MED13: variants seen among roughly 807,000 people sequenced by gnomAD.
MED13 encodes the protein mediator complex subunit 13, also known as mediator of RNA polymerase II transcription subunit 13.
A neutral mutation model predicts 225.2 loss-of-function variants in MED13; 23 were observed. That is an observed-to-expected ratio of 0.10 (90% confidence interval 0.07 to 0.14). The LOEUF (loss-of-function observed/expected upper bound fraction) is 0.14. MED13 is among the 10% of genes least tolerant of loss of function. The pLI is 1.00. For missense variants in MED13, 2,197 were observed against 2,594.5 expected (o/e 0.85, Z 3.33); for synonymous variants, 942 against 889.2 (o/e 1.06, Z -1.06).
At chr17:62,015,836 C>G (rs576706735) in intron 8 of MED13, among the ~76,000 whole-genome samples, 1 of 118,652 alleles carries the variant, frequency 8.4e-6, no homozygotes, top group African/African-American at 3.2e-5. Flanking sequence ...TATATATATA[C>G]ACACACACTA....
chr17:61,966,381 A>G (rs2080058194), intron 19 of MED13, 81 bp downstream of exon 19: 2 of 1,148,332 alleles, frequency 1.7e-6, no homozygotes, highest in Non-Finnish European at 2.5e-6. Flanking sequence ...GTTCCAATAA[A>G]ATTTTATCTA....
At chr17:62,015,915 C>CACAT (rs1230248036) in intron 8 of MED13, among the ~76,000 whole-genome samples, 98 of 8,606 alleles carry the variant, frequency 0.011, 4 homozygotes, top group African/African-American at 0.025. Context: ...ACACTATACA[C>CACAT]ATATATATAT....
chr17:62,043,912 T>C (rs945254155), intron 3 of MED13, among the ~76,000 whole-genome samples: 1 of 152,182 alleles, frequency 6.6e-6, no homozygotes, highest in Non-Finnish European at 1.5e-5. Context: ...TTAAATTACC[T>C]ATGTGGCTCA....
chr17:61,950,258 C>T (rs1236010766), intron 28 of MED13, among the ~76,000 whole-genome samples: 1 of 151,936 alleles, frequency 6.6e-6, no homozygotes. Flanking sequence ...TTGAAAAAAT[C>T]CAAAAATGGA....
At chr17:61,990,747 G>A (rs1473373720) in intron 11 of MED13, among the ~76,000 whole-genome samples, 1 of 151,602 alleles carries the variant, frequency 6.6e-6, no homozygotes, top group East Asian at 1.9e-4. Flanking sequence ...AATGGGTTTT[G>A]TAAATGAATT....
rs397857634 is a variant in MED13, at chr17:62,037,955, C to CAAAAAAAAAAA, written c.471-2358_471-2348dup. On this transcript the variant is annotated intron_variant, in intron 3 of 29. Coordinates refer to ENST00000397786, the MANE Select transcript of MED13 (RefSeq NM_005121.3). The stretch of plus-strand genomic sequence containing the variant: ...TGGGCAACAGAGTGAGACTTCATCT[C>CAAAAAAAAAAA]AAAAAAAAAAAAAAAAAAAAAAAAA... 3.1e-4 allele frequency among the ~76,000 whole-genome samples: 20 copies of CAAAAAAAAAAA among 64,760 alleles called. 3 individuals carry two copies. The highest frequency in any genetic ancestry group is 9.7e-4 in the East Asian group (2 of 2,064). 42.5% of individuals were successfully genotyped at this position (64,760 alleles called of 152,430 possible). A position where few individuals can be genotyped will look rare whatever the true frequency, so the allele number is the denominator to read the frequency against.
intron 9 of MED13, chr17:62,003,847 A>C (rs1202876863): frequency 6.6e-6 from 1 of 152,154 alleles, no homozygotes; most frequent in African/African-American, 2.4e-5. Flanking sequence ...ACTTTTCTAC[A>C]CTATGCTTCC....
chr17:62,057,722 T>C (rs951304926), intron 2 of MED13, among the ~76,000 whole-genome samples: 1 of 152,214 alleles, frequency 6.6e-6, no homozygotes, highest in African/African-American at 2.4e-5. Flanking sequence ...CACTATTCAT[T>C]ATGATAAAAT....
intron 8 of MED13, among the ~76,000 whole-genome samples, chr17:62,011,783 A>C (rs2080511927): frequency 6.6e-6 from 1 of 152,268 alleles, no homozygotes; most frequent in Admixed American, 6.5e-5. Context: ...CCTTCTCCAA[A>C]TACTTAGCAC....
Position 62,063,245 on chromosome 17 carries a change from G to C in MED13, c.123C>G (p.Ala41=). 6.2e-7 allele frequency: 1 copy of C among 1,614,024 alleles called. No individual in the cohort carries two copies. The highest frequency in any genetic ancestry group is 8.5e-7 in the Non-Finnish European group (1 of 1,179,946). ...CTTCTGTCACAGGAAACAGAATAGG[G>C]GCAGAAGTTGGGCCTTGCCATACAT... The part of the protein sequence containing the change: ...KKYVWQGPTS[A]PILFPVTEED... The change falls in exon 2 of 30, where the codon GCC becomes GCG. Residue 41 remains alanine, a synonymous_variant. Coordinates refer to ENST00000397786, the MANE Select transcript of MED13 (RefSeq NM_005121.3).
At chr17:62,062,487 A>G (rs550622770) in intron 2 of MED13, among the ~76,000 whole-genome samples, 2 of 152,314 alleles carry the variant, frequency 1.3e-5, no homozygotes, top group South Asian at 4.1e-4. Context: ...AGAACAGTAT[A>G]TGAGTCACTT....
intron 1 of MED13, 106 bp from the exon 2 acceptor site, chr17:62,063,407 TA>T (rs2081057372): frequency 1.4e-6 from 1 of 728,508 alleles, no homozygotes; most frequent in Admixed American, 2.8e-5. Flanking sequence ...TTTTTCAATG[TA>T]TGCTTGAGAT....
chr17:62,026,128 T>C (rs2080699414), intron 8 of MED13, among the ~76,000 whole-genome samples: 1 of 152,176 alleles, frequency 6.6e-6, no homozygotes, highest in Non-Finnish European at 1.5e-5. Flanking sequence ...GCCATTACTG[T>C]TTACTTGAAT....
chr17:62,055,786 C>T (rs2143769070), intron 2 of MED13, among the ~76,000 whole-genome samples: 1 of 152,000 alleles, frequency 6.6e-6, no homozygotes, highest in Middle Eastern at 3.4e-3. Flanking sequence ...CACGCCACTG[C>T]ACTCCAGCCT....
Position 61,956,260 on chromosome 17 carries a change from A to G in MED13, c.5623+79T>C. 3.0e-6 allele frequency: 4 copies of G among 1,354,518 alleles called. No homozygotes were observed. The South Asian group carries it at 4.6e-5, about 15-fold the overall frequency. 83.9% of individuals were successfully genotyped at this position (1,354,518 alleles called of 1,614,324 possible). ...ATAACCTTTGCATTTTATTCAACATATATACCTAGACGTGGTCAGAACTGT... is the reference window on the plus strand; with the variant it reads ...ATAACCTTTGCATTTTATTCAACATGTATACCTAGACGTGGTCAGAACTGT... On this transcript the variant is annotated intron_variant, in intron 24 of 29. Transcript: ENST00000397786.
rs2080965265 is a variant in MED13 at position 62,052,537 on chromosome 17, CTTTTATTTATAGGTT to C, written c.455_469del (p.Lys152_Lys156del). On this transcript the variant is annotated inframe_deletion and splice_region_variant, in exon 3 of 30. Transcript: ENST00000397786. ...CACGTCAGAATTTAAGATAGCTTAC[CTTTTATTTATAGGTT>C]TTTCATCTTTTTCATAAGGCTTTAC... The C allele has an allele frequency of 6.4e-7, 1 of 1,562,180 alleles. No individual in the cohort carries two copies. The highest frequency in any genetic ancestry group is 1.4e-5 in the African/African-American group (1 of 72,892).
chr17:61,969,815 T>G (rs2080091455), intron 17 of MED13, among the ~76,000 whole-genome samples: 1 of 152,158 alleles, frequency 6.6e-6, no homozygotes, highest in South Asian at 2.1e-4. Flanking sequence ...TTGGCCAGGC[T>G]GGTTTCAAAC....
At chr17:62,033,699 T>C (rs754662813) in intron 5 of MED13, 88 bp downstream of exon 5, 115 of 1,241,384 alleles carry the variant, frequency 9.3e-5, no homozygotes, top group Non-Finnish European at 1.2e-4. Context: ...AGCCACTGAG[T>C]TATTAGACTT....
chr17:62,026,799 A>G (rs757933041), intron 8 of MED13, among the ~76,000 whole-genome samples: 6 of 152,178 alleles, frequency 3.9e-5, no homozygotes, highest in Non-Finnish European at 8.8e-5. Flanking sequence ...AACAACAGCC[A>G]AGATGAGAGC....
Sources: gnomAD v4.1 joint callset for allele counts (sites outside exome capture counted in the v4.1 genomes callset) on GRCh38, gnomAD v4.1.1 for gene constraint, MANE v1.5 for transcripts, NCBI Gene and HGNC (gene_info 2026-07-23, HGNC 2026-07-21) for gene names.